Variants in FOXP1 observed in about 807,000 individuals in gnomAD.
The protein encoded by FOXP1 is forkhead box P1.
Under a neutral mutation model 98.2 loss-of-function variants are expected in FOXP1, and 15 were observed. The observed-to-expected ratio is 0.15, with a 90% CI of 0.10 to 0.24. The LOEUF (loss-of-function observed/expected upper bound fraction) is 0.24. Ranked by LOEUF, FOXP1 falls within the 10% of genes least tolerant of loss-of-function variation. FOXP1 has a pLI of 1.00. For synonymous variants in FOXP1, 371 were observed against 314.5 expected (o/e 1.18, Z -1.90); for missense variants, 633 against 848.5 (o/e 0.75, Z 3.15).
intron 2 of FOXP1, among the ~76,000 whole-genome samples, chr3:71,548,166 C>A (rs1194659303): frequency 6.6e-6 from 1 of 152,148 alleles, no homozygotes; most frequent in Non-Finnish European, 1.5e-5. Context: ...ATGTGGGTGA[C>A]TGGCAGATTA....
At chr3:71,101,283 G>A (rs2056935160) in intron 7 of FOXP1, among the ~76,000 whole-genome samples, 1 of 152,174 alleles carries the variant, frequency 6.6e-6, no homozygotes, top group South Asian at 2.1e-4. Flanking sequence ...AGCTAAGAGA[G>A]AACCACAGGT....
intron 7 of FOXP1, among the ~76,000 whole-genome samples, chr3:71,057,515 T>C (rs925102028): frequency 5.9e-5 from 9 of 151,276 alleles, no homozygotes; most frequent in African/African-American, 2.2e-4. Flanking sequence ...CTTAACTGTT[T>C]GAGTATATAG....
At chr3:71,582,325 A>G in intron 1 of FOXP1, 1 of 968,204 alleles carries the variant, frequency 1.0e-6, no homozygotes, top group Non-Finnish European at 1.2e-6. Flanking sequence ...AGGCGGAGGC[A>G]GCAAATGACC....
chr3:70,998,166 G>C (rs1046408969), intron 13 of FOXP1, among the ~76,000 whole-genome samples: 1 of 152,174 alleles, frequency 6.6e-6, no homozygotes. Context: ...ACTTCTGTAA[G>C]AGCCAGATCA....
intron 2 of FOXP1, among the ~76,000 whole-genome samples, chr3:71,555,783 A>C (rs2046082642): frequency 6.6e-6 from 1 of 152,212 alleles, no homozygotes; most frequent in Non-Finnish European, 1.5e-5. Flanking sequence ...TTTAAAATCC[A>C]TTATAGAGAA....
At chr3:70,977,080 A>G (rs780975815) in intron 16 of FOXP1, 38 bp from the exon 17 acceptor site, 8 of 1,331,174 alleles carry the variant, frequency 6.0e-6, no homozygotes, top group Non-Finnish European at 8.7e-6. Context: ...ATTTATGACC[A>G]AATCAGCAGA....
At chr3:71,580,677 T>TG (rs2048095258) in intron 2 of FOXP1, 1 of 442,188 alleles carries the variant, frequency 2.3e-6, no homozygotes, top group Admixed American at 6.5e-5. Context: ...AAAACGGGGG[T>TG]GGGGGAAAGG....
At chr3:71,548,454 G>A (rs1216661090) in intron 2 of FOXP1, among the ~76,000 whole-genome samples, 1 of 152,122 alleles carries the variant, frequency 6.6e-6, no homozygotes, top group Non-Finnish European at 1.5e-5. Flanking sequence ...CACCCAGGCT[G>A]GAGTGCAGTG....
chr3:71,283,575 C>T (rs1331611557), intron 5 of FOXP1, among the ~76,000 whole-genome samples: 1 of 152,134 alleles, frequency 6.6e-6, no homozygotes, highest in Non-Finnish European at 1.5e-5. Context: ...TTTATTTTAG[C>T]TGCTGAGGAT....
In FOXP1 at chr3:71,397,025, C is replaced by T. The variant is rs55899340; in HGVS notation, c.-167-37781G>A. ...ATATATGTGTATATATATATATATACATATATATGTGTATATATATATACA... is the reference window on the plus strand; with the variant it reads ...ATATATGTGTATATATATATATATATATATATATGTGTATATATATATACA... On this transcript the variant is annotated intron_variant, in intron 3 of 20. Transcript: ENST00000649528. Among the ~76,000 whole-genome samples the T allele has an allele frequency of 5.3e-3, 89 of 16,936 alleles. 3 individuals carry two copies. Among genetic ancestry groups the T allele is most frequent in the South Asian group, 8.2e-3 (6 of 732 alleles). The allele number at this position is 16,936 out of a possible 152,430, so 11.1% of individuals were successfully genotyped here.
intron 3 of FOXP1, among the ~76,000 whole-genome samples, chr3:71,432,518 T>C (rs1181204832): frequency 6.6e-6 from 1 of 152,160 alleles, no homozygotes; most frequent in Non-Finnish European, 1.5e-5. Flanking sequence ...CCCAGTCTAA[T>C]AATCTGCTCC....
intron 5 of FOXP1, among the ~76,000 whole-genome samples, chr3:71,280,185 T>C (rs1024657866): frequency 6.6e-6 from 1 of 151,318 alleles, no homozygotes; most frequent in Non-Finnish European, 1.5e-5. Flanking sequence ...TAAATTGTTC[T>C]AATGGGTACT....
At chr3:71,214,270 T>G (rs141305838) in intron 5 of FOXP1, among the ~76,000 whole-genome samples, 1 of 152,286 alleles carries the variant, frequency 6.6e-6, no homozygotes, top group East Asian at 1.9e-4. Context: ...GGGAGGAGAT[T>G]TAGAAAGAAA....
At chr3:71,037,340 A>C (rs1202628976) in intron 11 of FOXP1, among the ~76,000 whole-genome samples, 1 of 152,146 alleles carries the variant, frequency 6.6e-6, no homozygotes, top group Non-Finnish European at 1.5e-5. Flanking sequence ...GGCTTTACTA[A>C]ATTTAGCATT....
At chr3:71,432,843 T>C (rs1260618491) in intron 3 of FOXP1, among the ~76,000 whole-genome samples, 2 of 135,330 alleles carry the variant, frequency 1.5e-5, no homozygotes, top group East Asian at 4.1e-4. Context: ...AATGTGAACA[T>C]GTTAAAAAAA....
intron 3 of FOXP1, among the ~76,000 whole-genome samples, chr3:71,471,588 A>C (rs904882037): frequency 1.3e-5 from 2 of 152,174 alleles, no homozygotes; most frequent in African/African-American, 2.4e-5. Context: ...ACAATGTTCC[A>C]TTCTTTTCAA....
chr3:71,537,917 CG>C (rs2044439753), intron 2 of FOXP1, among the ~76,000 whole-genome samples: 1 of 152,166 alleles, frequency 6.6e-6, no homozygotes, highest in African/African-American at 2.4e-5. Flanking sequence ...ATTGAAATTT[CG>C]GTATTCATAA....
intron 3 of FOXP1, among the ~76,000 whole-genome samples, chr3:71,424,202 A>C (rs2083898863): frequency 6.6e-6 from 1 of 152,206 alleles, no homozygotes. Flanking sequence ...ACCAGCAGCA[A>C]GAAGGAAGGG....
At chr3:71,475,507 C>A (rs1328790925) in intron 3 of FOXP1, among the ~76,000 whole-genome samples, 1 of 152,132 alleles carries the variant, frequency 6.6e-6, no homozygotes, top group African/African-American at 2.4e-5. Context: ...TGAAAACCTT[C>A]AAAATCTTGC....
Sources: allele counts gnomAD v4.1 joint callset (sites outside exome capture counted in the v4.1 genomes callset), GRCh38; gene constraint gnomAD v4.1.1; transcripts MANE v1.5; gene names NCBI Gene and HGNC (gene_info 2026-07-23, HGNC 2026-07-21).